The following IL1R1 variants were observed in gnomAD, a reference collection of about 807,000 sequenced individuals.
IL1R1 encodes interleukin-1 receptor type 1.
A neutral mutation model predicts 50.2 loss-of-function variants in IL1R1; 22 were observed. The ratio of observed to expected loss-of-function variants is 0.44; its 90% CI spans 0.31 to 0.63. The LOEUF (loss-of-function observed/expected upper bound fraction) is 0.63. Ranked by LOEUF, IL1R1 falls within the 20% of genes least tolerant of loss-of-function variation. The probability of loss-of-function intolerance (pLI) is 0.07; values close to 1 mark genes in which losing one functional copy is unlikely to be tolerated. For synonymous variants in IL1R1, 251 were observed against 236.7 expected, an observed-to-expected ratio of 1.06 and a Z score of -0.55; for missense variants, 509 against 676.2, an observed-to-expected ratio of 0.75 and a Z score of 2.74.
At chr2:102,139,291 C>T (rs552203386), upstream of IL1R1, among the ~76,000 whole-genome samples, 4 of 152,344 alleles carry the variant, frequency 2.6e-5, no homozygotes, top group South Asian at 8.3e-4. Flanking sequence ...TACTTGAACA[C>T]TCTGGGATGC....
At chr2:102,088,095 A>T (rs1169069229) in intron 1 of IL1R1, among the ~76,000 whole-genome samples, 1 of 152,202 alleles carries the variant, frequency 6.6e-6, no homozygotes, top group African/African-American at 2.4e-5. Flanking sequence ...GGTTGGAGTC[A>T]ACTTCTAAAC....
At chr2:102,102,326 C>A (rs1680178021), upstream of IL1R1, among the ~76,000 whole-genome samples, 1 of 152,136 alleles carries the variant, frequency 6.6e-6, no homozygotes, top group African/African-American at 2.4e-5. Context: ...CAAGCCTGGG[C>A]TCCACCTGGG....
At chr2:102,106,236 CTCTGTGTGTGTGTG>C (rs1454605913) in intron 1 of IL1R1, among the ~76,000 whole-genome samples, 1 of 151,780 alleles carries the variant, frequency 6.6e-6, no homozygotes, top group Non-Finnish European at 1.5e-5. Flanking sequence ...ACGTGTGTGT[CTCTGTGTGTGTGTG>C]TCTGTGTGTG....
chr2:102,175,540 A>C lies in IL1R1; in HGVS notation c.1198A>C (p.Thr400Pro), dbSNP rs756199093. The C allele has an allele frequency of 6.2e-7, 1 of 1,613,324 alleles. No individual in the cohort carries two copies. The highest frequency in any genetic ancestry group is 2.2e-5 in the East Asian group (1 of 44,852). Residue 400 changes from threonine to proline, a missense_variant, in exon 11 of 12, where the codon ACC becomes CCC. Transcript: ENST00000410023. ...TCCAAAGACTGTTGGGGAAGGGTCT[A>C]CCTCTGACTGTGATATTTTTGTGTT... ...LYPKTVGEGSTSDCDIFVFKV... is the reference protein window; with the variant it reads ...LYPKTVGEGSPSDCDIFVFKV...
At chr2:102,114,152 C>T (rs1367166084) in intron 1 of IL1R1, among the ~76,000 whole-genome samples, 1 of 152,090 alleles carries the variant, frequency 6.6e-6, no homozygotes, top group Non-Finnish European at 1.5e-5. Context: ...TGCATGGTAC[C>T]CATAAACTAG....
intron 1 of IL1R1, among the ~76,000 whole-genome samples, chr2:102,130,819 G>A (rs1478482655): frequency 6.6e-6 from 1 of 152,066 alleles, no homozygotes; most frequent in Non-Finnish European, 1.5e-5. Context: ...TGAGTAATAG[G>A]CCCTAGATTT....
intron 1 of IL1R1, among the ~76,000 whole-genome samples, chr2:102,112,260 G>A (rs867763115): frequency 1.7e-4 from 26 of 151,804 alleles, no homozygotes; most frequent in Middle Eastern, 3.4e-3. Flanking sequence ...CTATTTCGGC[G>A]GCAAAACTGT....
At chr2:102,169,490 A>G (rs1685488667) in intron 7 of IL1R1, among the ~76,000 whole-genome samples, 1 of 152,250 alleles carries the variant, frequency 6.6e-6, no homozygotes, top group African/African-American at 2.4e-5. Flanking sequence ...ACAAATATAG[A>G]ACATTTCCAA....
chr2:102,165,732 A>G (rs1050016619), intron 5 of IL1R1, among the ~76,000 whole-genome samples: 1 of 152,172 alleles, frequency 6.6e-6, no homozygotes, highest in Admixed American at 6.5e-5. Flanking sequence ...GGTAACTTTA[A>G]TCTACCTAGT....
At chr2:102,149,514 A>G (rs1683464582) in intron 1 of IL1R1, among the ~76,000 whole-genome samples, 1 of 152,200 alleles carries the variant, frequency 6.6e-6, no homozygotes, top group African/African-American at 2.4e-5. Flanking sequence ...CAGCATGGCA[A>G]GAAGTGTGGA....
chr2:102,070,913 T>G (rs1487663776), intron 1 of IL1R1, among the ~76,000 whole-genome samples: 2 of 152,126 alleles, frequency 1.3e-5, no homozygotes, highest in African/African-American at 4.8e-5. Context: ...GGGGAAGGTG[T>G]GTATCTAAGA....
intron 1 of IL1R1, among the ~76,000 whole-genome samples, chr2:102,084,634 T>C (rs1215180476): frequency 6.6e-6 from 1 of 152,244 alleles, no homozygotes; most frequent in African/African-American, 2.4e-5. Context: ...TAATACATTG[T>C]ACTGCTGATG....
At chr2:102,173,026 G>T (rs1420920516) in intron 9 of IL1R1, among the ~76,000 whole-genome samples, 188 bp downstream of exon 9, 1 of 152,142 alleles carries the variant, frequency 6.6e-6, no homozygotes, top group Non-Finnish European at 1.5e-5. Flanking sequence ...CCTGCTGCCT[G>T]CCCTTAACCC....
intron 2 of IL1R1, among the ~76,000 whole-genome samples, chr2:102,157,334 G>T (rs1297201711): frequency 6.6e-6 from 1 of 151,998 alleles, no homozygotes; most frequent in Non-Finnish European, 1.5e-5. Flanking sequence ...ACATAAGTGG[G>T]GAACCAATCC....
intron 1 of IL1R1, among the ~76,000 whole-genome samples, chr2:102,112,935 G>T (rs1156437125): frequency 6.6e-6 from 1 of 152,184 alleles, no homozygotes; most frequent in East Asian, 1.9e-4. Context: ...AGAGGCCAGA[G>T]AACTAGCTAG....
intron 1 of IL1R1, among the ~76,000 whole-genome samples, chr2:102,109,169 C>G (rs1312834737): frequency 6.6e-6 from 1 of 152,090 alleles, no homozygotes; most frequent in East Asian, 1.9e-4. Context: ...GACAGGCTCA[C>G]TCTGGAGCCT....
intron 1 of IL1R1, among the ~76,000 whole-genome samples, chr2:102,086,029 T>C (rs989062910): frequency 6.6e-6 from 1 of 152,172 alleles, no homozygotes; most frequent in Admixed American, 6.5e-5. Context: ...TTTGAAACAT[T>C]TCATTTATGA....
intron 1 of IL1R1, among the ~76,000 whole-genome samples, chr2:102,119,017 C>CAAAA (rs56327525): frequency 4.4e-4 from 33 of 74,442 alleles, no homozygotes; most frequent in South Asian, 1.1e-3. Flanking sequence ...GACTGTGTCT[C>CAAAA]AAAAAAAAAA....
At position 102,084,524 on chromosome 2, in the gene IL1R1, T is replaced by C. The variant is rs1182948592; in HGVS notation, c.-84+13991T>C. On this transcript the variant is annotated intron_variant, in intron 1 of 11. Transcript: ENST00000409929. ...ATACATAATATGGATCTTTTCAAAC[T>C]TTTAAATGAAGTATAATGCATACAC... Among the ~76,000 whole-genome samples the C allele has an allele frequency of 3.3e-5, 5 of 152,204 alleles. No homozygotes were observed. In the East Asian group the frequency reaches 9.6e-4, roughly 29 times the overall value.
Sources: gnomAD v4.1 joint callset for allele counts (sites outside exome capture counted in the v4.1 genomes callset) on GRCh38, gnomAD v4.1.1 for gene constraint, MANE v1.5 for transcripts, NCBI Gene and HGNC (gene_info 2026-07-23, HGNC 2026-07-21) for gene names.